TNRC6B: variants seen among roughly 807,000 people sequenced by gnomAD.
The protein encoded by TNRC6B is trinucleotide repeat-containing gene 6B protein.
TNRC6B carries 52 observed loss-of-function variants against 203.6 expected under a neutral mutation model. The ratio of observed to expected loss-of-function variants is 0.26; its 90% CI spans 0.20 to 0.32. The LOEUF (loss-of-function observed/expected upper bound fraction) is 0.32. Among genes scored for constraint, TNRC6B ranks in the 10% least tolerant of loss-of-function variants. TNRC6B has a pLI of 1.00. For missense variants in TNRC6B, 1,923 were observed against 2,286.2 expected (o/e 0.84, Z 3.24); for synonymous variants, 838 against 845.7 (o/e 0.99, Z 0.16).
intron 1 of TNRC6B, among the ~76,000 whole-genome samples, chr22:40,115,960 A>T (rs1483172919): frequency 6.6e-6 from 1 of 152,212 alleles, no homozygotes; most frequent in African/African-American, 2.4e-5. Context: ...AGACAAGTCA[A>T]AATATTTCTA....
Position 40,265,240 on chromosome 22 carries a change from G to A in TNRC6B, c.1010G>A (p.Ser337Asn). 7 of 1,614,026 alleles carry A rather than the reference G, an allele frequency of 4.3e-6. No homozygotes were observed. Among genetic ancestry groups the A allele is most frequent in the Non-Finnish European group, 5.9e-6 (7 of 1,179,900 alleles). ...TDNSNSSAQV[S>N]TVGQTSREQQ... ...AATAGTAATTCCAGTGCACAGGTTA[G>A]CACAGTAGGTCAGACATCCAGGGAA... The change falls in exon 5 of 23, where the codon AGC becomes AAC. Residue 337 changes from serine (S) to asparagine (N), a missense_variant. This residue lies in a region of TNRC6B where 614 missense variants were observed against 587.7 expected (regional missense o/e 1.04). Transcript: ENST00000454349.
In TNRC6B at chr22:40,311,077, T is replaced by C. The variant is rs1191871253; in HGVS notation, c.4435+84T>C. 2.9e-6 allele frequency: 4 copies of C among 1,376,304 alleles called. No homozygotes were observed. The South Asian group carries it at 5.4e-5, about 19-fold the overall frequency. 85.3% of individuals were successfully genotyped at this position (1,376,304 alleles called of 1,614,324 possible). A position where few individuals can be genotyped will look rare whatever the true frequency, so the allele number is the denominator to read the frequency against. The stretch of plus-strand genomic sequence containing the variant: ...GGTTCAGAATACATTGCTTTTGTGA[T>C]TCATGTTACTAAGGTACTTGCTTTT... On this transcript the variant is annotated intron_variant, in intron 17 of 22. Coordinates refer to ENST00000454349, the MANE Select transcript of TNRC6B (RefSeq NM_001162501.2).
chr22:40,108,557 A>G (rs1331329924), intron 1 of TNRC6B, among the ~76,000 whole-genome samples: 9 of 152,320 alleles, frequency 5.9e-5, no homozygotes, highest in Non-Finnish European at 1.0e-4. Context: ...TAATAATACT[A>G]AGATGCTGTA....
At chr22:40,278,074 G>GTA (rs1253222648) in intron 9 of TNRC6B, 30 bp downstream of exon 9, 1 of 1,537,886 alleles carries the variant, frequency 6.5e-7, no homozygotes, top group South Asian at 1.2e-5. Context: ...AAAGAATGGA[G>GTA]TATATCAGTG....
chr22:40,265,277 G>A lies in TNRC6B; in HGVS notation c.1047G>A (p.Lys349=), dbSNP rs777633691. The A allele has an allele frequency of 6.2e-7, 1 of 1,614,024 alleles. No individual in the cohort carries two copies. The highest frequency in any genetic ancestry group is 1.1e-5 in the South Asian group (1 of 91,080). The change falls in exon 5 of 23, where the codon AAG becomes AAA. Residue 349 remains lysine (K), a synonymous_variant. Coordinates refer to ENST00000454349, the MANE Select transcript of TNRC6B (RefSeq NM_001162501.2). ...VGQTSREQQS[K]MENAGVNFVV... Reference sequence around the variant, plus strand: ...AGACATCCAGGGAACAGCAGTCAAAGATGGAAAATGCGGGTGTTAATTTTG... The same window carrying A: ...AGACATCCAGGGAACAGCAGTCAAAAATGGAAAATGCGGGTGTTAATTTTG...
At chr22:40,204,482 G>A (rs1333225820) in intron 1 of TNRC6B, among the ~76,000 whole-genome samples, 1 of 152,218 alleles carries the variant, frequency 6.6e-6, no homozygotes, top group Non-Finnish European at 1.5e-5. Flanking sequence ...CCTGGCTACG[G>A]GCTTGACCTT....
intron 15 of TNRC6B, among the ~76,000 whole-genome samples, chr22:40,302,313 AAAG>A (rs1363926383): frequency 6.6e-6 from 1 of 152,188 alleles, no homozygotes; most frequent in East Asian, 1.9e-4. Flanking sequence ...TTTATCTTCT[AAAG>A]AAGATACTGT....
Position 40,143,659 on chromosome 22 carries a change from G to A in TNRC6B, c.46-12456G>A, listed in dbSNP as rs998989715. Among the ~76,000 whole-genome samples the A allele has an allele frequency of 1.3e-4, 20 of 152,044 alleles. No individual in the cohort carries two copies. In the Middle Eastern group the frequency reaches 0.01, roughly 78 times the overall value. ...CTACAGGCGCCCACCACCACGCCCC[G>A]CTAATTTTTTGTATTTTTAGTAGAG... On this transcript the variant is annotated intron_variant, in intron 3 of 23. Transcript: ENST00000301923.
At chr22:40,077,508 A>G (rs1317908335) in intron 1 of TNRC6B, among the ~76,000 whole-genome samples, 1 of 152,132 alleles carries the variant, frequency 6.6e-6, no homozygotes, top group East Asian at 1.9e-4. Flanking sequence ...ATCTTTTCTT[A>G]TAGTAACCAT....
intron 1 of TNRC6B, among the ~76,000 whole-genome samples, chr22:40,230,488 C>T (rs2069853862): frequency 6.6e-6 from 1 of 151,878 alleles, no homozygotes; most frequent in Non-Finnish European, 1.5e-5. Flanking sequence ...AATGGGATTT[C>T]ACCATGTTGG....
At chr22:40,143,691 T>C (rs1052144988) in intron 3 of TNRC6B, among the ~76,000 whole-genome samples, 2 of 152,004 alleles carry the variant, frequency 1.3e-5, no homozygotes, top group East Asian at 1.9e-4. Context: ...AGAGACAGGG[T>C]TTCACCGTGT....
intron 1 of TNRC6B, among the ~76,000 whole-genome samples, chr22:40,086,304 A>G (rs2068099452): frequency 6.6e-6 from 1 of 152,212 alleles, no homozygotes; most frequent in Admixed American, 6.5e-5. Context: ...ATCCTCCAAA[A>G]GAGACCAGTA....
chr22:40,132,969 A>AAAAAAAAAAAATATATATATAT (rs1282694632), intron 3 of TNRC6B, among the ~76,000 whole-genome samples: 2 of 78,190 alleles, frequency 2.6e-5, no homozygotes, highest in Non-Finnish European at 5.3e-5. Flanking sequence ...AAAAAAAAAA[A>AAAAAAAAAAAATATATATATAT]ATATATATAT....
intron 2 of TNRC6B, among the ~76,000 whole-genome samples, chr22:40,125,514 G>A (rs961680733): frequency 2.6e-5 from 4 of 152,202 alleles, no homozygotes; most frequent in African/African-American, 7.2e-5. Flanking sequence ...GAAATCTAGA[G>A]CTATTAATAT....
intron 1 of TNRC6B, among the ~76,000 whole-genome samples, chr22:40,091,127 G>A (rs938861762): frequency 1.3e-5 from 2 of 151,640 alleles, no homozygotes; most frequent in Admixed American, 6.6e-5. Context: ...GACTACAGGC[G>A]CCCGCCACCA....
At chr22:40,276,006 AAACTT>A (rs1157168592) in intron 7 of TNRC6B, among the ~76,000 whole-genome samples, 1 of 151,516 alleles carries the variant, frequency 6.6e-6, no homozygotes, top group Non-Finnish European at 1.5e-5. Flanking sequence ...AACCTGTACT[AAACTT>A]AAGTACTTCG....
Position 40,325,461 on chromosome 22 carries a change from A to T in TNRC6B, c.*2220A>T, listed in dbSNP as rs369970422. On this transcript the variant is annotated 3_prime_UTR_variant, in exon 23 of 23. Coordinates refer to ENST00000454349, the MANE Select transcript of TNRC6B (RefSeq NM_001162501.2). ...AGGCATGACTCAAGTGAGTGTTCAC[A>T]TATACAAGCCTGCATGAGCCCTCTG... 6.6e-6 allele frequency: 1 copy of T among 152,538 alleles called. No individual in the cohort carries two copies. Among genetic ancestry groups the T allele is most frequent in the Admixed American group, 6.5e-5 (1 of 15,282 alleles). The allele number at this position is 152,538 out of a possible 1,614,324, so 9.4% of individuals were successfully genotyped here.
intron 1 of TNRC6B, among the ~76,000 whole-genome samples, chr22:40,099,917 A>G (rs1019973053): frequency 6.6e-6 from 1 of 151,748 alleles, no homozygotes; most frequent in African/African-American, 2.4e-5. Flanking sequence ...TGCCTGGCTA[A>G]TTTTTTTGTA....
chr22:40,210,907 T>C (rs1333593406), intron 1 of TNRC6B, among the ~76,000 whole-genome samples: 4 of 152,156 alleles, frequency 2.6e-5, no homozygotes, highest in African/African-American at 9.7e-5. Context: ...CTAAGCCTTC[T>C]ACCCACTAGA....
Sources: gnomAD v4.1 joint callset for allele counts (sites outside exome capture counted in the v4.1 genomes callset) on GRCh38, gnomAD v4.1.1 for gene constraint, gnomAD v4.1.1 regional missense constraint, MANE v1.5 for transcripts, NCBI Gene and HGNC (gene_info 2026-07-23, HGNC 2026-07-21) for gene names.